EPHA6: variants seen among roughly 807,000 people sequenced by gnomAD.
EPHA6 encodes ephrin type-A receptor 6.
In EPHA6, 50 loss-of-function variants were observed where a neutral mutation model predicts 112.0. The ratio of observed to expected loss-of-function variants is 0.45; its 90% CI spans 0.36 to 0.56. The LOEUF is 0.56. Ranked by LOEUF, EPHA6 falls within the 20% of genes least tolerant of loss-of-function variation. The probability of loss-of-function intolerance (pLI) is 0.00; values close to 1 mark genes in which losing one functional copy is unlikely to be tolerated. For synonymous variants in EPHA6, 529 were observed against 490.7 expected (o/e 1.08, Z -1.03); for missense variants, 1,280 against 1,417.4 (o/e 0.90, Z 1.56).
Position 96,814,990 on chromosome 3 carries a change from C to A in EPHA6, c.367C>A (p.His123Asn). The part of the protein sequence containing the change: ...LLTAWPGDCS[H>N]VSNNQVVLLD... ...GACAGCGTGGCCAGGCGACTGCAGT[C>A]ACGTCTCCAACAACCAAGGTAAGGG... The change falls in exon 1 of 18, where the codon CAC (histidine) becomes AAC (asparagine). Residue 123 changes from histidine (H) to asparagine (N), a missense_variant. Physicochemically the swap from His to Asn is moderately conservative, Grantham distance 68. Transcript: ENST00000389672. 1 of 1,526,594 alleles carries A rather than the reference C, an allele frequency of 6.6e-7. No individual in the cohort carries two copies. Among genetic ancestry groups the A allele is most frequent in the Non-Finnish European group, 8.8e-7 (1 of 1,131,300 alleles). The allele number at this position is 1,526,594 out of a possible 1,614,324, so 94.6% of individuals were successfully genotyped here.
intron 5 of EPHA6, among the ~76,000 whole-genome samples, chr3:97,284,226 A>G (rs993048204): frequency 1.3e-5 from 2 of 152,144 alleles, no homozygotes; most frequent in Admixed American, 6.5e-5. Flanking sequence ...TCTAAACTAG[A>G]TATTTGATTC....
At chr3:96,974,404 C>G (rs1385530794) in intron 2 of EPHA6, among the ~76,000 whole-genome samples, 2 of 149,816 alleles carry the variant, frequency 1.3e-5, no homozygotes, top group Non-Finnish European at 3.0e-5. Flanking sequence ...TAAATCTGTA[C>G]TAAGTTGGTC....
At chr3:97,729,846 T>A (rs2034956765) in intron 15 of EPHA6, among the ~76,000 whole-genome samples, 1 of 152,060 alleles carries the variant, frequency 6.6e-6, no homozygotes, top group South Asian at 2.1e-4. Flanking sequence ...AAAGTAAGTA[T>A]AGACTGTGAC....
chr3:97,342,424 T>C (rs1421278064), intron 5 of EPHA6, among the ~76,000 whole-genome samples: 1 of 152,202 alleles, frequency 6.6e-6, no homozygotes, highest in Non-Finnish European at 1.5e-5. Flanking sequence ...CCAAGCTTAG[T>C]CCAGGCAGCC....
chr3:97,149,681 G>A (rs1256324030), intron 3 of EPHA6, among the ~76,000 whole-genome samples: 1 of 151,646 alleles, frequency 6.6e-6, no homozygotes, highest in African/African-American at 2.4e-5. Context: ...AATTCTATAT[G>A]TTTATAACAA....
chr3:97,615,271 C>T (rs1354689552), intron 13 of EPHA6, among the ~76,000 whole-genome samples: 1 of 152,116 alleles, frequency 6.6e-6, no homozygotes, highest in African/African-American at 2.4e-5. Context: ...GAACCCACTC[C>T]ACCAGGGTTT....
chr3:97,273,467 A>G (rs1290208234), intron 5 of EPHA6, among the ~76,000 whole-genome samples: 1 of 152,198 alleles, frequency 6.6e-6, no homozygotes, highest in African/African-American at 2.4e-5. Context: ...GGTGTCTGGA[A>G]TGAGGCTGGG....
intron 10 of EPHA6, among the ~76,000 whole-genome samples, chr3:97,495,668 T>C (rs1454786788): frequency 6.6e-6 from 1 of 152,158 alleles, no homozygotes; most frequent in Admixed American, 6.5e-5. Flanking sequence ...TGTGATTTGT[T>C]CTGCCTTGCA....
chr3:97,330,364 G>A (rs141922301), intron 5 of EPHA6, among the ~76,000 whole-genome samples: 5,682 of 152,176 alleles, frequency 0.037, 311 homozygotes, highest in African/African-American at 0.12. Context: ...GAAAGTCATT[G>A]GTAGTTTGAT....
chr3:97,337,356 G>T (rs182050219), intron 5 of EPHA6, among the ~76,000 whole-genome samples: 1 of 151,978 alleles, frequency 6.6e-6, no homozygotes. Flanking sequence ...TTAGTCCCAC[G>T]CACTCATTAT....
intron 5 of EPHA6, among the ~76,000 whole-genome samples, chr3:97,295,385 C>T (rs2108697217): frequency 6.6e-6 from 1 of 151,876 alleles, no homozygotes; most frequent in Non-Finnish European, 1.5e-5. Flanking sequence ...TTTTTTATTT[C>T]ATTCATTGAA....
intron 5 of EPHA6, among the ~76,000 whole-genome samples, chr3:97,287,307 T>A (rs2080503088): frequency 6.6e-6 from 1 of 152,118 alleles, no homozygotes; most frequent in South Asian, 2.1e-4. Context: ...AGGAAAGGCT[T>A]AGCTTCTCTG....
intron 14 of EPHA6, among the ~76,000 whole-genome samples, chr3:97,719,082 C>T (rs2034387573): frequency 1.6e-4 from 6 of 37,292 alleles, no homozygotes; most frequent in South Asian, 2.5e-3. Context: ...CGTTCCCGCC[C>T]CCCCCACCCC....
At chr3:96,871,525 C>T (rs1422261258) in intron 2 of EPHA6, among the ~76,000 whole-genome samples, 4 of 151,716 alleles carry the variant, frequency 2.6e-5, no homozygotes, top group African/African-American at 9.7e-5. Flanking sequence ...TTTTCTGAAC[C>T]ACAATTATAT....
intron 2 of EPHA6, among the ~76,000 whole-genome samples, chr3:96,978,940 C>A (rs1022709881): frequency 6.6e-6 from 1 of 152,016 alleles, no homozygotes; most frequent in East Asian, 1.9e-4. Flanking sequence ...AACACTTCTT[C>A]ATATTTGAGT....
At chr3:97,282,692 A>G (rs2080326867) in intron 5 of EPHA6, among the ~76,000 whole-genome samples, 2 of 152,136 alleles carry the variant, frequency 1.3e-5, no homozygotes, top group South Asian at 2.1e-4. Context: ...TGCAGGGACA[A>G]TGGATGAAGC....
intron 5 of EPHA6, among the ~76,000 whole-genome samples, chr3:97,278,254 A>G (rs1327536535): frequency 1.3e-5 from 2 of 152,196 alleles, no homozygotes; most frequent in Non-Finnish European, 2.9e-5. Context: ...TTATTCTAGT[A>G]AATATTATAA....
chr3:97,039,409 T>G (rs948578804), intron 3 of EPHA6, among the ~76,000 whole-genome samples: 2 of 152,064 alleles, frequency 1.3e-5, no homozygotes, highest in African/African-American at 4.8e-5. Context: ...CTTTAAAATA[T>G]AATTTGGAGA....
intron 2 of EPHA6, among the ~76,000 whole-genome samples, chr3:96,967,099 CCT>C (rs942898382): frequency 6.6e-6 from 1 of 151,416 alleles, no homozygotes; most frequent in African/African-American, 2.4e-5. Context: ...TTGATAATCC[CCT>C]CTTTGAAAAA....
Sources: gnomAD v4.1 joint callset for allele counts (sites outside exome capture counted in the v4.1 genomes callset) on GRCh38, gnomAD v4.1.1 for gene constraint, MANE v1.5 for transcripts, NCBI Gene and HGNC (gene_info 2026-07-23, HGNC 2026-07-21) for gene names.